GALNT15: variants seen among roughly 807,000 people sequenced by gnomAD.
GALNT15 encodes UDP-GalNAc transferase T15.
GALNT15 carries 67 observed loss-of-function variants against 66.8 expected under a neutral mutation model. The ratio of observed to expected loss-of-function variants is 1.00; its 90% confidence interval spans 0.82 to 1.23. The LOEUF is 1.23. Among genes scored for constraint, GALNT15 ranks in the 50% most tolerant of loss-of-function variants. The probability of loss-of-function intolerance (pLI) is 0.00; values close to 1 mark genes in which losing one functional copy is unlikely to be tolerated. For missense variants in GALNT15, 827 were observed against 804.3 expected, an observed-to-expected ratio of 1.03 and a Z score of -0.34; for synonymous variants, 313 against 311.5, an observed-to-expected ratio of 1.00 and a Z score of -0.05.
rs75726721 is a variant in GALNT15 at position 16,210,825 on chromosome 3, G to A, written c.1080-299G>A. On this transcript the variant is annotated intron_variant, in intron 4 of 9. Transcript: ENST00000339732. ...CCTTCTTCCCAAACATCTTTCCAGAGGGACTCAAGCCAGAGGGCAGGGGAG... is the reference window on the plus strand; with the variant it reads ...CCTTCTTCCCAAACATCTTTCCAGAAGGACTCAAGCCAGAGGGCAGGGGAG... Among the ~76,000 whole-genome samples the A allele has an allele frequency of 2.4e-3, 372 of 152,324 alleles. 2 individuals carry two copies. The highest frequency in any genetic ancestry group is 8.5e-3 in the African/African-American group (355 of 41,560).
the GALNT15 span, among the ~76,000 whole-genome samples, chr3:16,242,384 C>T: frequency 1.3e-5 from 2 of 152,200 alleles, no homozygotes; most frequent in African/African-American, 4.8e-5. This position sits in a 1 kb window ranked among gnomAD's most constrained non-coding sequence, Gnocchi z 5.6. Flanking sequence ...TGCCCCTGAA[C>T]TAATCTCTGT....
chr3:16,213,328 G>A (rs1348987319), intron 6 of GALNT15, among the ~76,000 whole-genome samples: 12 of 151,262 alleles, frequency 7.9e-5, no homozygotes, highest in South Asian at 6.3e-4. Context: ...GGTGGTGGGC[G>A]CCTGTGGTCC....
At position 16,222,886 on chromosome 3, in the gene GALNT15, T is replaced by A; in HGVS notation, c.1773+128T>A. 3 of 1,128,132 alleles carry A rather than the reference T, an allele frequency of 2.7e-6. 1 individual carries two copies. Among genetic ancestry groups the A allele is most frequent in the South Asian group, 3.2e-5 (2 of 63,070 alleles). The allele number at this position is 1,128,132 out of a possible 1,614,324, so 69.9% of individuals were successfully genotyped here. A position where few individuals can be genotyped will look rare whatever the true frequency, so the allele number is the denominator to read the frequency against. The stretch of plus-strand genomic sequence containing the variant: ...CCTCTGCCTCTGCTTTTGAACTTAG[T>A]GGCTGGGCAGTAAGGCCTCAGGGGG... On this transcript the variant is annotated intron_variant, in intron 9 of 9. Coordinates refer to ENST00000339732, the MANE Select transcript of GALNT15 (RefSeq NM_054110.5).
rs2063472797 is a variant in GALNT15, at chr3:16,181,635, TG to T, written c.539+5947del. Among the ~76,000 whole-genome samples, 1 of 152,136 alleles carries T rather than the reference TG, an allele frequency of 6.6e-6. No homozygotes were observed. Among genetic ancestry groups the T allele is most frequent in the East Asian group, 1.9e-4 (1 of 5,194 alleles). On this transcript the variant is annotated intron_variant, in intron 1 of 9. Coordinates refer to ENST00000339732, the MANE Select transcript of GALNT15 (RefSeq NM_054110.5). The surrounding 1 kb of genome is among the most constrained non-coding windows in gnomAD (Gnocchi z 5.9). ...ACACCCCTTGTTGGCTGTGATAGCC[TG>T]GCCTGCAAAAGAGGAAGGAGGCAGC...
chr3:16,207,043 C>T (rs1185920575), intron 3 of GALNT15, among the ~76,000 whole-genome samples: 2 of 152,204 alleles, frequency 1.3e-5, no homozygotes, highest in South Asian at 2.1e-4. Context: ...TTCCCTTTGC[C>T]TTCCAGCAGA....
At position 16,219,743 on chromosome 3, in the gene GALNT15, C is replaced by A. The variant is rs2063920924; in HGVS notation, c.1525-167C>A. Among the ~76,000 whole-genome samples the A allele has an allele frequency of 6.6e-6, 1 of 152,236 alleles. No homozygotes were observed. Among genetic ancestry groups the A allele is most frequent in the Non-Finnish European group, 1.5e-5 (1 of 68,046 alleles). On this transcript the variant is annotated intron_variant, in intron 7 of 9. Coordinates refer to ENST00000339732, the MANE Select transcript of GALNT15 (RefSeq NM_054110.5). The surrounding 1 kb of genome is among the most constrained non-coding windows in gnomAD (Gnocchi z 4.3). ...ACCCCAAAGCACCTCCTTCAAGAGG[C>A]CTGTCCCTTAGGGTCAGTGGCTTCA...
chr3:16,208,491 A>T lies in GALNT15; in HGVS notation c.912-12A>T, dbSNP rs1505609. The T allele has an allele frequency of 0.13, 207,333 of 1,612,200 alleles. 16,900 individuals are homozygous for T. The highest frequency in any genetic ancestry group is 0.31 in the African/African-American group (23,281 of 74,878). On this transcript the variant is annotated splice_polypyrimidine_tract_variant and intron_variant, in intron 3 of 9. Transcript: ENST00000339732. ...CTTTACGTCCCTTGTTTAATTCCAC[A>T]ATTCTTTCCAGGAGCCGAGTGGTAT...
In GALNT15 at chr3:16,174,945, T is replaced by A. The variant is rs1047065952; in HGVS notation, c.-207T>A. On this transcript the variant is annotated 5_prime_UTR_variant, in exon 1 of 10. Transcript: ENST00000339732. This position sits in a 1 kb window ranked among gnomAD's most constrained non-coding sequence, Gnocchi z 4.7. ...AAATCCACTCAGAGAGGACTTGGGG[T>A]GAAACTTGGGTCCTGTGGTTTTCTG... 3.6e-6 allele frequency: 2 copies of A among 556,096 alleles called. No homozygotes were observed. The highest frequency in any genetic ancestry group is 3.7e-5 in the African/African-American group (2 of 53,458). 34.4% of individuals were successfully genotyped at this position (556,096 alleles called of 1,614,324 possible).
At position 16,204,875 on chromosome 3, in the gene GALNT15, G is replaced by A. The variant is rs2063740435; in HGVS notation, c.912-3628G>A. Among the ~76,000 whole-genome samples, 2 of 152,212 alleles carry A rather than the reference G, an allele frequency of 1.3e-5. No individual in the cohort carries two copies. Among genetic ancestry groups the A allele is most frequent in the South Asian group, 2.1e-4 (1 of 4,832 alleles). On this transcript the variant is annotated intron_variant, in intron 3 of 9. Transcript: ENST00000339732. The surrounding 1 kb of genome is among the most constrained non-coding windows in gnomAD (Gnocchi z 4.5). Reference sequence around the variant, plus strand: ...ATGGAAAGCAGTGTAAGAACCCCTTGTGCTTGTGCATGTGAGTCAGTGTGT... The same window carrying A: ...ATGGAAAGCAGTGTAAGAACCCCTTATGCTTGTGCATGTGAGTCAGTGTGT...
rs1459401908 is a variant in GALNT15 at position 16,193,606 on chromosome 3, T to A, written c.540-2154T>A. 1.3e-5 allele frequency among the ~76,000 whole-genome samples: 2 copies of A among 152,206 alleles called. No homozygotes were observed. The highest frequency in any genetic ancestry group is 2.9e-5 in the Non-Finnish European group (2 of 68,036). ...CCCTGAGAGTCACACACAGGTTTCCTGTGCATTGAGAGTTTTCTGCCTTTC... is the reference window on the plus strand; with the variant it reads ...CCCTGAGAGTCACACACAGGTTTCCAGTGCATTGAGAGTTTTCTGCCTTTC... On this transcript the variant is annotated intron_variant, in intron 1 of 9. Transcript: ENST00000339732. This position sits in a 1 kb window ranked among gnomAD's most constrained non-coding sequence, Gnocchi z 4.7.
chr3:16,243,774 G>A, the GALNT15 span, among the ~76,000 whole-genome samples: 1 of 152,226 alleles, frequency 6.6e-6, no homozygotes, highest in Non-Finnish European at 1.5e-5. Flanking sequence ...GAAGAACAGA[G>A]CAGGGCTGGA....
Position 16,227,481 on chromosome 3 carries a change from A to G in GALNT15, c.1901A>G (p.Asn634Ser), listed in dbSNP as rs151089510. 7.0e-5 allele frequency: 113 copies of G among 1,614,092 alleles called. No homozygotes were observed. The highest frequency in any genetic ancestry group is 3.2e-4 in the Admixed American group (19 of 59,992). ...ARQQWRFDQI[N>S]AVDER ...CAGCAGTGGCGTTTTGACCAGATCA[A>G]TGCTGTGGATGAACGATGAATGTCA... The change falls in exon 10 of 10, where the codon AAT becomes AGT. Residue 634 changes from asparagine (N) to serine (S), a missense_variant. Coordinates refer to ENST00000339732, the MANE Select transcript of GALNT15 (RefSeq NM_054110.5). The surrounding 1 kb of genome is among the most constrained non-coding windows in gnomAD (Gnocchi z 4.5).
chr3:16,205,511 A>T (rs1464085149), intron 3 of GALNT15, among the ~76,000 whole-genome samples: 1 of 152,202 alleles, frequency 6.6e-6, no homozygotes, highest in African/African-American at 2.4e-5. Flanking sequence ...TCAACATAGG[A>T]TCAACCTTGT....
rs1340132206 is a variant in GALNT15 at position 16,229,366 on chromosome 3, C to T, written c.*1866C>T. 5.9e-6 allele frequency: 5 copies of T among 843,090 alleles called. No homozygotes were observed. In the African/African-American group the frequency reaches 9.2e-5, roughly 16 times the overall value. The allele number at this position is 843,090 out of a possible 1,614,324, so 52.2% of individuals were successfully genotyped here. ...TTTAAAACTCAATTCCTCAATTGGG[C>T]TGGCCACATTTCAAATGCTCACTAC... On this transcript the variant is annotated 3_prime_UTR_variant, in exon 10 of 10. Transcript: ENST00000339732.
At position 16,224,632 on chromosome 3, in the gene GALNT15, CTT is replaced by C. The variant is rs34368462; in HGVS notation, c.1773+1893_1773+1894del. Among the ~76,000 whole-genome samples the C allele has an allele frequency of 0.029, 3,783 of 131,932 alleles. 132 individuals are homozygous for C. Among genetic ancestry groups the C allele is most frequent in the African/African-American group, 0.083 (2,934 of 35,374 alleles). 86.6% of individuals were successfully genotyped at this position (131,932 alleles called of 152,430 possible). A position where few individuals can be genotyped will look rare whatever the true frequency, so the allele number is the denominator to read the frequency against. ...TTTAACACTATTGTAGTAGGCTATTCTTTTTTTTTTTTTTTTTTTTAAAGAGG... is the reference window on the plus strand; with the variant it reads ...TTTAACACTATTGTAGTAGGCTATTCTTTTTTTTTTTTTTTTTTAAAGAGG... On this transcript the variant is annotated intron_variant, in intron 9 of 9. Coordinates refer to ENST00000339732, the MANE Select transcript of GALNT15 (RefSeq NM_054110.5). This position sits in a 1 kb window ranked among gnomAD's most constrained non-coding sequence, Gnocchi z 5.2.
In GALNT15 at chr3:16,191,938, A is replaced by C. The variant is rs1023172745; in HGVS notation, c.540-3822A>C. Among the ~76,000 whole-genome samples, 2 of 152,256 alleles carry C rather than the reference A, an allele frequency of 1.3e-5. No homozygotes were observed. Among genetic ancestry groups the C allele is most frequent in the African/African-American group, 4.8e-5 (2 of 41,468 alleles). ...CATAAATATAACATTCATACTAATT[A>C]CATTGTGTCTTTTTGGAAAATGGCT... On this transcript the variant is annotated intron_variant, in intron 1 of 9. Transcript: ENST00000339732. This position sits in a 1 kb window ranked among gnomAD's most constrained non-coding sequence, Gnocchi z 5.2.
chr3:16,226,629 A>G (rs1030922512), intron 9 of GALNT15, among the ~76,000 whole-genome samples: 1 of 152,218 alleles, frequency 6.6e-6, no homozygotes, highest in East Asian at 1.9e-4. Flanking sequence ...AGTCTGCCCC[A>G]TGATTCAATC....
intron 6 of GALNT15, among the ~76,000 whole-genome samples, chr3:16,214,044 C>T (rs2063846797): frequency 1.3e-5 from 2 of 152,214 alleles, no homozygotes; most frequent in African/African-American, 2.4e-5. Context: ...TCTAGGCAGG[C>T]TACAGTCTCC....
Position 16,229,322 on chromosome 3 carries a change from C to A in GALNT15, c.*1822C>A, listed in dbSNP as rs761089967. ...AAAATGTGGCCATTTTGATGGAAAT[C>A]CATTAAAATCAAAGAAAATTTAAAA... On this transcript the variant is annotated 3_prime_UTR_variant, in exon 10 of 10. Coordinates refer to ENST00000339732, the MANE Select transcript of GALNT15 (RefSeq NM_054110.5). 80 of 931,748 alleles carry A rather than the reference C, an allele frequency of 8.6e-5. No homozygotes were observed. Among genetic ancestry groups the A allele is most frequent in the Non-Finnish European group, 9.7e-5 (76 of 781,218 alleles). The allele number at this position is 931,748 out of a possible 1,614,324, so 57.7% of individuals were successfully genotyped here.
Sources: gnomAD v4.1 joint callset for allele counts (sites outside exome capture counted in the v4.1 genomes callset) on GRCh38, gnomAD v4.1.1 for gene constraint, Gnocchi (gnomAD v3.1) non-coding constraint, MANE v1.5 for transcripts, NCBI Gene and HGNC (gene_info 2026-07-23, HGNC 2026-07-21) for gene names.